TADA1: variants seen among roughly 807,000 people sequenced by gnomAD.
The protein encoded by TADA1 is transcriptional adaptor 1.
TADA1 carries 23 observed loss-of-function variants against 39.3 expected under a neutral mutation model. That is an observed-to-expected ratio of 0.58 (90% CI 0.42 to 0.83). The LOEUF (loss-of-function observed/expected upper bound fraction) is 0.83. Among genes scored for constraint, TADA1 ranks in the 40% least tolerant of loss-of-function variants. The probability of loss-of-function intolerance (pLI) is 0.00; values close to 1 mark genes in which losing one functional copy is unlikely to be tolerated. For missense variants in TADA1, 352 were observed against 408.1 expected (o/e 0.86, Z 1.18); for synonymous variants, 137 against 151.8 (o/e 0.90, Z 0.72).
intron 1 of TADA1, among the ~76,000 whole-genome samples, chr1:166,870,660 C>G (rs1040961923): frequency 2.0e-5 from 3 of 152,156 alleles, no homozygotes; most frequent in African/African-American, 7.2e-5. Context: ...GGACCTCCCT[C>G]TCTACAAAAA....
In TADA1 at chr1:166,869,520, G is replaced by T; in HGVS notation, c.167-10C>A. ...TCATTGTGAGAATGGACTGAAAAAG[G>T]AAAGATAGTGACAATCAAATTCAAA... On this transcript the variant is annotated splice_polypyrimidine_tract_variant and intron_variant, in intron 2 of 7. Coordinates refer to ENST00000367874, the MANE Select transcript of TADA1 (RefSeq NM_053053.4). 1.9e-6 allele frequency: 3 copies of T among 1,612,682 alleles called. No individual in the cohort carries two copies. Among genetic ancestry groups the T allele is most frequent in the Non-Finnish European group, 2.5e-6 (3 of 1,179,050 alleles).
chr1:166,864,313 A>G (rs1571239279), intron 3 of TADA1, among the ~76,000 whole-genome samples: 1 of 152,248 alleles, frequency 6.6e-6, no homozygotes, highest in South Asian at 2.1e-4. Flanking sequence ...TAAATGGCAC[A>G]CTTGCACAAC....
At chr1:166,865,943 T>C (rs910426590) in intron 3 of TADA1, among the ~76,000 whole-genome samples, 1 of 148,080 alleles carries the variant, frequency 6.8e-6, no homozygotes, top group Non-Finnish European at 1.5e-5. Flanking sequence ...AAAAAAAAAA[T>C]ATTCCAGATT....
chr1:166,865,473 G>GT (rs1658508320), intron 3 of TADA1, among the ~76,000 whole-genome samples: 1 of 146,834 alleles, frequency 6.8e-6, no homozygotes, highest in African/African-American at 2.6e-5. Flanking sequence ...ATTGTTTAAT[G>GT]TTAAAAAAAA....
At chr1:166,859,626 G>T (rs1308467404) in intron 6 of TADA1, among the ~76,000 whole-genome samples, 1 of 152,048 alleles carries the variant, frequency 6.6e-6, no homozygotes, top group Non-Finnish European at 1.5e-5. Context: ...GCCCTCAATG[G>T]GAAGACGACA....
At chr1:166,875,603 C>T (rs1341195027) in intron 1 of TADA1, among the ~76,000 whole-genome samples, 2 of 152,264 alleles carry the variant, frequency 1.3e-5, no homozygotes, top group African/African-American at 4.8e-5. Context: ...AAAATGTCCG[C>T]TACTGCTATC....
chr1:166,864,131 T>C (rs1172635643), intron 3 of TADA1, among the ~76,000 whole-genome samples: 1 of 152,232 alleles, frequency 6.6e-6, no homozygotes, highest in African/African-American at 2.4e-5. Context: ...CTAAAATTTT[T>C]TTAGGAAGAC....
chr1:166,862,579 C>T, intron 4 of TADA1, 167 bp from the exon 5 acceptor site: 2 of 615,800 alleles, frequency 3.2e-6, no homozygotes, highest in East Asian at 2.7e-5. Context: ...CACAGATTCA[C>T]ATCCAATACA....
At position 166,869,747 on chromosome 1, in the gene TADA1, C is replaced by A; in HGVS notation, c.166+16G>T. 6.3e-7 allele frequency: 1 copy of A among 1,579,300 alleles called. No homozygotes were observed. ...ACTACAGAATAGTAAAATAACTCTG[C>A]AGATAATTATTTTACCATTATCCTG... On this transcript the variant is annotated intron_variant, in intron 2 of 7. Transcript: ENST00000367874.
rs147015972 is a variant in TADA1, at chr1:166,871,750, G to C, written c.75-1896C>G. ...GGACACTTTTATACATTTTTTTAAA[G>C]GACAGGAATAATAATGAAAGAAATA... is the stretch of plus-strand genomic sequence containing the variant. On this transcript the variant is annotated intron_variant, in intron 1 of 7. Coordinates refer to ENST00000367874, the MANE Select transcript of TADA1 (RefSeq NM_053053.4). 5.0e-4 allele frequency among the ~76,000 whole-genome samples: 76 copies of C among 151,948 alleles called. 2 individuals carry two copies. Among genetic ancestry groups the C allele is most frequent in the African/African-American group, 1.8e-3 (74 of 41,440 alleles).
At chr1:166,869,024 TGAA>T (rs1658597873) in intron 3 of TADA1, 5 of 215,050 alleles carry the variant, frequency 2.3e-5, no homozygotes, top group Middle Eastern at 2.3e-3. Context: ...CATCATAAGA[TGAA>T]GATTATAGAG....
chr1:166,859,747 A>T (rs1317297613), intron 6 of TADA1, among the ~76,000 whole-genome samples: 1 of 150,486 alleles, frequency 6.6e-6, no homozygotes, highest in Non-Finnish European at 1.5e-5. Context: ...CAAGAGCCAG[A>T]TGAGGGCCTG....
intron 7 of TADA1, 40 bp downstream of exon 7, chr1:166,858,079 A>G: frequency 6.2e-7 from 1 of 1,609,156 alleles, no homozygotes; most frequent in Non-Finnish European, 8.5e-7. Flanking sequence ...CTCTTAACCT[A>G]TCCATAAACC....
chr1:166,863,971 A>G lies in TADA1; in HGVS notation c.233-50T>C, dbSNP rs1258878724. 3.5e-6 allele frequency: 5 copies of G among 1,446,724 alleles called. No homozygotes were observed. The East Asian group carries it at 9.7e-5, about 28-fold the overall frequency. The allele number at this position is 1,446,724 out of a possible 1,614,324, so 89.6% of individuals were successfully genotyped here. Reference sequence around the variant, plus strand: ...TAAGTAAAAATAATGACAACTGATAACTGCTAAGTTTGTTTTCATTTGGGG... The same window carrying G: ...TAAGTAAAAATAATGACAACTGATAGCTGCTAAGTTTGTTTTCATTTGGGG... On this transcript the variant is annotated intron_variant, in intron 3 of 7. Coordinates refer to ENST00000367874, the MANE Select transcript of TADA1 (RefSeq NM_053053.4).
At chr1:166,871,007 T>C (rs1191201199) in intron 1 of TADA1, among the ~76,000 whole-genome samples, 2 of 151,982 alleles carry the variant, frequency 1.3e-5, no homozygotes, top group Non-Finnish European at 2.9e-5. Context: ...GAGAGGGGAG[T>C]AGTCATTTAT....
At chr1:166,866,101 G>C (rs1438586142) in intron 3 of TADA1, among the ~76,000 whole-genome samples, 1 of 152,188 alleles carries the variant, frequency 6.6e-6, no homozygotes. Flanking sequence ...GTGATGACAG[G>C]AAAGTAGGCT....
chr1:166,868,465 C>T (rs574870426), intron 3 of TADA1, among the ~76,000 whole-genome samples: 1 of 152,318 alleles, frequency 6.6e-6, no homozygotes, highest in South Asian at 2.1e-4. Context: ...TTAGGTATCC[C>T]TTAGGTACAG....
At chr1:166,865,585 G>T (rs917402359) in intron 3 of TADA1, among the ~76,000 whole-genome samples, 1 of 151,980 alleles carries the variant, frequency 6.6e-6, no homozygotes, top group Admixed American at 6.6e-5. Context: ...AGGCCGAGGC[G>T]GGCAGATCAC....
chr1:166,859,456 CT>C (rs200222780), intron 6 of TADA1, among the ~76,000 whole-genome samples: 1 of 151,866 alleles, frequency 6.6e-6, no homozygotes, highest in Non-Finnish European at 1.5e-5. Flanking sequence ...TACATTACTA[CT>C]TTTTTTTTCC....
Sources: allele counts gnomAD v4.1 joint callset (sites outside exome capture counted in the v4.1 genomes callset), GRCh38; gene constraint gnomAD v4.1.1; transcripts MANE v1.5; gene names NCBI Gene and HGNC (gene_info 2026-07-23, HGNC 2026-07-21).